The following GKN1 variants were observed in gnomAD, a reference collection of about 807,000 sequenced individuals.
GKN1 encodes gastrokine-1.
In GKN1, 17 loss-of-function variants were observed where a neutral mutation model predicts 19.7. That is an observed-to-expected ratio of 0.86 (90% confidence interval 0.59 to 1.29). GKN1 has a LOEUF of 1.29. Ranked by LOEUF, GKN1 falls within the 50% of genes most tolerant of loss-of-function variation. GKN1 has a pLI of 0.00. For missense variants in GKN1, 218 were observed against 224.5 expected (o/e 0.97, Z 0.19); for synonymous variants, 96 against 78.3 (o/e 1.23, Z -1.20).
intron 3 of GKN1, among the ~76,000 whole-genome samples, chr2:68,978,271 G>GGAAA (rs773400726): frequency 0.025 from 2,180 of 87,252 alleles, 97 homozygotes; most frequent in East Asian, 0.14. Flanking sequence ...AAGGAAGGAA[G>GGAAA]GAAAGAAAGA....
At position 68,980,000 on chromosome 2, in the gene GKN1, G is replaced by T. The variant is rs145566771; in HGVS notation, c.403G>T (p.Gly135Ter). The T allele has an allele frequency of 3.7e-6, 6 of 1,613,864 alleles. No homozygotes were observed. Among genetic ancestry groups the T allele is most frequent in the South Asian group, 1.1e-5 (1 of 91,072 alleles). The change falls in exon 5 of 6, where the codon GGA (glycine) becomes TGA (stop). Residue 135 changes from glycine to a stop codon, truncating the protein, a stop_gained. Coordinates refer to ENST00000377938, the MANE Select transcript of GKN1 (RefSeq NM_019617.4). LOFTEE classifies it high-confidence loss of function. ...PNKVDDLSKF[G>*]KNIANMCRGI... ...CAAAGTCGATGACCTGAGCAAGTTC[G>T]GAAAAAACATTGCAAACATGTGTCG...
intron 1 of GKN1, among the ~76,000 whole-genome samples, chr2:68,975,002 A>G (rs1670234106): frequency 6.6e-6 from 1 of 152,148 alleles, no homozygotes; most frequent in South Asian, 2.1e-4. Flanking sequence ...ATAATGAAAA[A>G]AAATCTTTTT....
chr2:68,979,951 C>G lies in GKN1; in HGVS notation c.354C>G (p.Gly118=). ...GKGPGGPPPK[G]LMYSVNPNKV... ...GACCAGGAGGACCACCTCCCAAGGG[C>G]CTGATGTACTCAGTCAACCCAAACA... The change falls in exon 5 of 6, where the codon GGC becomes GGG. Residue 118 remains glycine (G), a synonymous_variant. Transcript: ENST00000377938. 6.2e-7 allele frequency: 1 copy of G among 1,613,252 alleles called. No homozygotes were observed. Among genetic ancestry groups the G allele is most frequent in the South Asian group, 1.1e-5 (1 of 91,068 alleles).
chr2:68,975,030 G>A (rs1406926468), intron 1 of GKN1, among the ~76,000 whole-genome samples: 1 of 151,932 alleles, frequency 6.6e-6, no homozygotes, highest in Non-Finnish European at 1.5e-5. Context: ...ATATAATCAT[G>A]GCATTTATAA....
intron 4 of GKN1, among the ~76,000 whole-genome samples, chr2:68,979,440 T>C (rs939356293): frequency 5.3e-5 from 8 of 152,230 alleles, no homozygotes; most frequent in Non-Finnish European, 1.2e-4. Context: ...CAAATGTAAC[T>C]GGGTATTGTA....
At chr2:68,977,807 GT>G in intron 3 of GKN1, 33 bp downstream of exon 3, 1 of 1,544,290 alleles carries the variant, frequency 6.5e-7, no homozygotes, top group Non-Finnish European at 8.9e-7. Context: ...TCACTTTATT[GT>G]TTAAAAATAC....
At chr2:68,977,460 A>G (rs1412515744) in intron 1 of GKN1, 35 bp from the exon 2 acceptor site, 6 of 1,451,672 alleles carry the variant, frequency 4.1e-6, no homozygotes, top group Non-Finnish European at 5.8e-6. Flanking sequence ...TCATTTTGCC[A>G]TGTAACAGGA....
chr2:68,978,769 C>G (rs147586936), intron 3 of GKN1, 102 bp from the exon 4 acceptor site: 2 of 637,870 alleles, frequency 3.1e-6, no homozygotes, highest in East Asian at 5.6e-5. Context: ...CAGCTCATCA[C>G]GATCTTGGAG....
In GKN1 at chr2:68,978,001, T is replaced by C. The variant is rs117625695; in HGVS notation, c.204+227T>C. ...TTAAAATTCAAACCAACAAACACTA[T>C]GTTCAAGGGATTGTGGGTATATACA... On this transcript the variant is annotated intron_variant, in intron 3 of 5. Coordinates refer to ENST00000377938, the MANE Select transcript of GKN1 (RefSeq NM_019617.4). The C allele has an allele frequency of 4.1e-4, 217 of 534,130 alleles. No homozygotes were observed. The East Asian group carries it at 6.5e-3, about 16-fold the overall frequency. 33.1% of individuals were successfully genotyped at this position (534,130 alleles called of 1,614,324 possible).
chr2:68,977,911 A>C (rs62133353), intron 3 of GKN1, 137 bp downstream of exon 3: 91,644 of 708,588 alleles, frequency 0.13, 8,126 homozygotes, highest in African/African-American at 0.31. Flanking sequence ...AGTAAAGGTG[A>C]CCATTTTGCT....
intron 4 of GKN1, among the ~76,000 whole-genome samples, chr2:68,979,426 A>C (rs1441025519): frequency 6.6e-6 from 1 of 152,222 alleles, no homozygotes; most frequent in Non-Finnish European, 1.5e-5. Context: ...GTTTATCTGA[A>C]ATTCAAATGT....
intron 5 of GKN1, among the ~76,000 whole-genome samples, chr2:68,980,320 G>C (rs1402290639): frequency 6.6e-6 from 1 of 152,142 alleles, no homozygotes; most frequent in Non-Finnish European, 1.5e-5. Flanking sequence ...CAAAATCCTT[G>C]CCTGGGTCAA....
intron 1 of GKN1, among the ~76,000 whole-genome samples, chr2:68,976,249 G>C (rs1348960049): frequency 6.6e-6 from 1 of 152,010 alleles, no homozygotes; most frequent in African/African-American, 2.4e-5. Context: ...GTGATTTTTA[G>C]CACTTATAGC....
At chr2:68,977,466 C>A (rs1217383908) in intron 1 of GKN1, 29 bp from the exon 2 acceptor site, 2 of 1,518,596 alleles carry the variant, frequency 1.3e-6, no homozygotes, top group South Asian at 1.1e-5. Flanking sequence ...TGCCATGTAA[C>A]AGGAGACCAA....
In GKN1 at chr2:68,978,831, G is replaced by A. The variant is rs753060359; in HGVS notation, c.205-40G>A. 2.5e-5 allele frequency: 28 copies of A among 1,113,640 alleles called. No individual in the cohort carries two copies. In the East Asian group the frequency reaches 3.8e-4, roughly 15 times the overall value. The allele number at this position is 1,113,640 out of a possible 1,614,324, so 69.0% of individuals were successfully genotyped here. A position where few individuals can be genotyped will look rare whatever the true frequency, so the allele number is the denominator to read the frequency against. The stretch of plus-strand genomic sequence containing the variant: ...TGACCTCTGATAAGAAAAGCTCCTC[G>A]GAGAACACATGCCTCACTATTTGCC... On this transcript the variant is annotated intron_variant, in intron 3 of 5. Coordinates refer to ENST00000377938, the MANE Select transcript of GKN1 (RefSeq NM_019617.4).
At chr2:68,979,804 C>T in intron 4 of GKN1, 109 bp from the exon 5 acceptor site, 1 of 803,370 alleles carries the variant, frequency 1.2e-6, no homozygotes, top group East Asian at 2.5e-5. Context: ...AAAAATTTAG[C>T]TGAGCAACAC....
At position 68,980,740 on chromosome 2, in the gene GKN1, T is replaced by G. The variant is rs1381421191; in HGVS notation, c.475T>G (p.Phe159Val). The change falls in exon 6 of 6, where the codon TTT becomes GTT. Residue 159 changes from phenylalanine to valine, a missense_variant. Phe to Val is a conservative substitution (Grantham distance 50). Transcript: ENST00000377938. Reference protein sequence around the residue: ...MAEEMQEASLFFYSGTCYTTS... With the variant: ...MAEEMQEASLVFYSGTCYTTS... ...TTTCTCTTTATTAGAGGCAAGCCTG[T>G]TTTTTTACTCAGGAACGTGCTACAC... The G allele has an allele frequency of 6.4e-7, 1 of 1,560,392 alleles. No individual in the cohort carries two copies. Among genetic ancestry groups the G allele is most frequent in the African/African-American group, 1.4e-5 (1 of 73,964 alleles).
chr2:68,978,229 GAAGAAAGAAAGAAGGAAGGA>G (rs1415309010), intron 3 of GKN1: 1 of 116,858 alleles, frequency 8.6e-6, no homozygotes, highest in Non-Finnish European at 1.6e-5. Flanking sequence ...AGAGAGGAAA[GAAGAAAGAAAGAAGGAAGGA>G]AAGAAAGAAA....
At chr2:68,977,887 A>G (rs1670288110) in intron 3 of GKN1, 113 bp downstream of exon 3, 1 of 863,910 alleles carries the variant, frequency 1.2e-6, no homozygotes, top group Admixed American at 2.2e-5. Flanking sequence ...AATTACACAT[A>G]GCATACAGTT....
Sources: allele counts gnomAD v4.1 joint callset (sites outside exome capture counted in the v4.1 genomes callset), GRCh38; gene constraint gnomAD v4.1.1; transcripts MANE v1.5; gene names NCBI Gene and HGNC (gene_info 2026-07-23, HGNC 2026-07-21).